Variants in SERPINI1 observed in about 807,000 individuals in gnomAD.
The protein encoded by SERPINI1 is serpin family I member 1.
In SERPINI1, 19 loss-of-function variants were observed where a neutral mutation model predicts 41.1. The ratio of observed to expected loss-of-function variants is 0.46; its 90% confidence interval spans 0.32 to 0.68. The LOEUF (loss-of-function observed/expected upper bound fraction) is 0.68, where lower values mean the gene tolerates loss of function less well. Ranked by LOEUF, SERPINI1 falls within the 30% of genes least tolerant of loss-of-function variation. The probability of loss-of-function intolerance (pLI) is 0.03; values close to 1 mark genes in which losing one functional copy is unlikely to be tolerated. For missense variants in SERPINI1, 460 were observed against 479.2 expected (o/e 0.96, Z 0.37); for synonymous variants, 138 against 156.6 (o/e 0.88, Z 0.89).
At chr3:167,780,063 A>G (rs1243598028) in intron 1 of SERPINI1, among the ~76,000 whole-genome samples, 1 of 152,172 alleles carries the variant, frequency 6.6e-6, no homozygotes, top group Non-Finnish European at 1.5e-5. Flanking sequence ...AGAAAATTTG[A>G]AAAGGAAAAA....
At position 167,745,727 on chromosome 3, in the gene SERPINI1, G is replaced by T. The variant is rs117482403; in HGVS notation, c.-19+9904G>T. Among the ~76,000 whole-genome samples the T allele has an allele frequency of 1.2e-3, 183 of 152,150 alleles. 3 individuals are homozygous for T. The East Asian group carries it at 0.031, about 26-fold the overall frequency. ...GGTTCACCAAGGTTGCAGGATAGAAGATCGATATAAAGAAACTAATTGTAT... is the reference window on the plus strand; with the variant it reads ...GGTTCACCAAGGTTGCAGGATAGAATATCGATATAAAGAAACTAATTGTAT... On this transcript the variant is annotated intron_variant, in intron 1 of 8. Coordinates refer to ENST00000446050, the MANE Select transcript of SERPINI1 (RefSeq NM_001122752.2).
chr3:167,750,131 A>G (rs1725997851), intron 1 of SERPINI1, among the ~76,000 whole-genome samples: 1 of 152,256 alleles, frequency 6.6e-6, no homozygotes, highest in Non-Finnish European at 1.5e-5. Context: ...AAGTAAATTC[A>G]CAGCTATTGA....
At chr3:167,805,700 T>C (rs1203376943) in intron 5 of SERPINI1, among the ~76,000 whole-genome samples, 1 of 152,354 alleles carries the variant, frequency 6.6e-6, no homozygotes, top group African/African-American at 2.4e-5. Context: ...TTAATCCATC[T>C]TGAGTTAATT....
At chr3:167,784,144 A>C (rs1345850120) in intron 1 of SERPINI1, among the ~76,000 whole-genome samples, 1 of 151,310 alleles carries the variant, frequency 6.6e-6, no homozygotes, top group African/African-American at 2.4e-5. Flanking sequence ...TTTTTTTTCT[A>C]TCTGACCATC....
intron 1 of SERPINI1, among the ~76,000 whole-genome samples, chr3:167,739,251 A>G (rs1451878976): frequency 6.6e-6 from 1 of 151,580 alleles, no homozygotes; most frequent in Non-Finnish European, 1.5e-5. Flanking sequence ...TGAGCACTTT[A>G]TGTCATATTC....
chr3:167,754,070 T>C (rs1256894392), intron 1 of SERPINI1, among the ~76,000 whole-genome samples: 1 of 152,248 alleles, frequency 6.6e-6, no homozygotes, highest in Admixed American at 6.5e-5. Flanking sequence ...ATATTTATAC[T>C]CCCAGTAACT....
At chr3:167,784,636 G>A (rs1227738741) in intron 1 of SERPINI1, among the ~76,000 whole-genome samples, 1 of 152,192 alleles carries the variant, frequency 6.6e-6, no homozygotes, top group East Asian at 1.9e-4. Flanking sequence ...AGGATGGAGA[G>A]AGTGCAAGCA....
intron 6 of SERPINI1, among the ~76,000 whole-genome samples, chr3:167,807,722 T>C (rs1711697989): frequency 6.6e-6 from 1 of 152,128 alleles, no homozygotes; most frequent in East Asian, 1.9e-4. Flanking sequence ...GGAGGATAAA[T>C]GAGTGACTGC....
intron 5 of SERPINI1, among the ~76,000 whole-genome samples, chr3:167,806,954 G>A (rs562763226): frequency 4.6e-5 from 7 of 152,118 alleles, no homozygotes; most frequent in African/African-American, 1.7e-4. Context: ...TAATCATATG[G>A]TAATGATACT....
intron 3 of SERPINI1, among the ~76,000 whole-genome samples, chr3:167,791,112 G>A (rs1478864367): frequency 2.0e-5 from 3 of 152,094 alleles, no homozygotes; most frequent in African/African-American, 7.2e-5. Context: ...AGAGAAATTA[G>A]AATGAGATGC....
rs532826558 is a variant in SERPINI1, at chr3:167,825,520, T to C, written c.*197T>C. 2.0e-3 allele frequency: 1,113 copies of C among 554,462 alleles called. 2 individuals carry two copies. Among genetic ancestry groups the C allele is most frequent in the Non-Finnish European group, 2.9e-3 (904 of 310,432 alleles). 34.3% of individuals were successfully genotyped at this position (554,462 alleles called of 1,614,324 possible). A position where few individuals can be genotyped will look rare whatever the true frequency, so the allele number is the denominator to read the frequency against. On this transcript the variant is annotated 3_prime_UTR_variant, in exon 9 of 9. Transcript: ENST00000446050. ...TTAAGCTAATGGTCCTGTTATGTCA[T>C]TGTGTTTGTGTGCTGTTGTTTAAAA...
At chr3:167,764,621 C>G (rs150905385) in intron 1 of SERPINI1, among the ~76,000 whole-genome samples, 98 of 152,256 alleles carry the variant, frequency 6.4e-4, no homozygotes, top group African/African-American at 2.2e-3. Context: ...AATCTGACAT[C>G]CTAACATTTC....
At position 167,794,751 on chromosome 3, in the gene SERPINI1, T is replaced by C; in HGVS notation, c.808T>C (p.Leu270=). Residue 270 remains leucine, a synonymous_variant, in exon 5 of 9, where the codon TTA becomes CTA. Coordinates refer to ENST00000446050, the MANE Select transcript of SERPINI1 (RefSeq NM_001122752.2). ...AGTTCCTCTTGCTACTCTGGAGCCATTAGTCAAAGCACAGCTGGTTGAAGA... is the reference window on the plus strand; with the variant it reads ...AGTTCCTCTTGCTACTCTGGAGCCACTAGTCAAAGCACAGCTGGTTGAAGA... The part of the protein sequence containing the change: ...QEVPLATLEP[L]VKAQLVEEWA... The C allele has an allele frequency of 6.2e-7, 1 of 1,613,660 alleles. No homozygotes were observed. Among genetic ancestry groups the C allele is most frequent in the Non-Finnish European group, 8.5e-7 (1 of 1,179,792 alleles).
chr3:167,772,893 TACACACACACACACACACACACACACAC>T (rs71176658), intron 1 of SERPINI1, among the ~76,000 whole-genome samples: 42 of 52,148 alleles, frequency 8.1e-4, no homozygotes, highest in Non-Finnish European at 9.4e-4. Flanking sequence ...TATATATATA[TACACACACACACACACACACACACACAC>T]ATGCATATAT....
intron 1 of SERPINI1, among the ~76,000 whole-genome samples, chr3:167,763,170 T>G (rs978032726): frequency 6.6e-6 from 1 of 152,152 alleles, no homozygotes; most frequent in African/African-American, 2.4e-5. Context: ...GGATGTGGTT[T>G]CTGTTCCTCA....
At chr3:167,792,366 CATAT>C (rs34567506) in intron 3 of SERPINI1, among the ~76,000 whole-genome samples, 4 of 149,866 alleles carry the variant, frequency 2.7e-5, no homozygotes, top group African/African-American at 9.9e-5. Context: ...TATATACACA[CATAT>C]ATATATATAC....
intron 6 of SERPINI1, among the ~76,000 whole-genome samples, chr3:167,811,326 T>C (rs1291031153): frequency 6.6e-6 from 1 of 151,314 alleles, no homozygotes; most frequent in African/African-American, 2.4e-5. Context: ...CCAGCCAAAA[T>C]TGTCAATAGT....
intron 5 of SERPINI1, among the ~76,000 whole-genome samples, chr3:167,799,643 A>G (rs1161887298): frequency 3.9e-5 from 6 of 152,254 alleles, no homozygotes; most frequent in East Asian, 1.9e-4. Flanking sequence ...GGTTGAACTA[A>G]TTTACACTCC....
At chr3:167,780,588 AT>A (rs1464465995) in intron 1 of SERPINI1, among the ~76,000 whole-genome samples, 3 of 152,144 alleles carry the variant, frequency 2.0e-5, no homozygotes, top group African/African-American at 7.2e-5. Context: ...ACTTGCACAG[AT>A]TTATCTACTT....
Sources: allele counts gnomAD v4.1 joint callset (sites outside exome capture counted in the v4.1 genomes callset), GRCh38; gene constraint gnomAD v4.1.1; transcripts MANE v1.5; gene names NCBI Gene and HGNC (gene_info 2026-07-23, HGNC 2026-07-21).